Variants in FBXL17 observed in about 807,000 individuals in gnomAD.
The protein encoded by FBXL17 is F-box/LRR-repeat protein 17.
In FBXL17, 22 loss-of-function variants were observed where a neutral mutation model predicts 66.2. That is an observed-to-expected ratio of 0.33 (90% CI 0.24 to 0.47). FBXL17 has a LOEUF of 0.47. FBXL17 is among the 20% of genes least tolerant of loss of function. The probability of loss-of-function intolerance (pLI) is 1.00; values close to 1 mark genes in which losing one functional copy is unlikely to be tolerated. For synonymous variants in FBXL17, 474 were observed against 400.5 expected (o/e 1.18, Z -2.19); for missense variants, 878 against 948.2 (o/e 0.93, Z 0.97).
At chr5:108,226,624 T>C (rs576690424) in intron 4 of FBXL17, among the ~76,000 whole-genome samples, 63 of 152,308 alleles carry the variant, frequency 4.1e-4, no homozygotes, top group Non-Finnish European at 7.8e-4. Flanking sequence ...TAAACATTAT[T>C]CTGGGTATTC....
At chr5:108,280,484 C>T (rs1206288593) in intron 4 of FBXL17, among the ~76,000 whole-genome samples, 3 of 151,860 alleles carry the variant, frequency 2.0e-5, no homozygotes, top group African/African-American at 7.2e-5. Flanking sequence ...AAAAGGACAA[C>T]ATTAACCATC....
intron 1 of FBXL17, among the ~76,000 whole-genome samples, chr5:108,375,013 T>C (rs760889333): frequency 2.0e-5 from 3 of 151,802 alleles, no homozygotes; most frequent in Non-Finnish European, 4.4e-5. Context: ...AAATGAAATA[T>C]AGACTAGAAA....
At chr5:108,157,240 A>T (rs917874956) in intron 6 of FBXL17, among the ~76,000 whole-genome samples, 5 of 151,650 alleles carry the variant, frequency 3.3e-5, no homozygotes, top group Non-Finnish European at 7.4e-5. Flanking sequence ...TAGAGAAAAA[A>T]ATTAAATAAA....
At chr5:108,079,150 C>T (rs957555359) in intron 6 of FBXL17, among the ~76,000 whole-genome samples, 3 of 147,062 alleles carry the variant, frequency 2.0e-5, no homozygotes, top group East Asian at 2.2e-4. Context: ...GGCCTAACCT[C>T]TCTTTCTTTT....
At chr5:108,148,248 T>A (rs1211237124) in intron 6 of FBXL17, among the ~76,000 whole-genome samples, 1 of 145,048 alleles carries the variant, frequency 6.9e-6, no homozygotes, top group Admixed American at 6.7e-5. Flanking sequence ...AGTGTAATCA[T>A]TAAAATATCA....
Position 107,875,323 on chromosome 5 carries a change from T to G in FBXL17, c.1965+5714A>C, listed in dbSNP as rs370448312. On this transcript the variant is annotated intron_variant, in intron 8 of 8. Transcript: ENST00000542267. The stretch of plus-strand genomic sequence containing the variant: ...TCTGAAACTGATTTTTCCAGTTAGT[T>G]CTGTACATTAGTTACAGAGTCCTAT... 3.3e-5 allele frequency among the ~76,000 whole-genome samples: 5 copies of G among 152,180 alleles called. No homozygotes were observed. The East Asian group carries it at 5.8e-4, about 18-fold the overall frequency.
chr5:108,254,891 C>T (rs1158424477), intron 4 of FBXL17, among the ~76,000 whole-genome samples: 2 of 152,270 alleles, frequency 1.3e-5, no homozygotes, highest in East Asian at 3.9e-4. Context: ...TCTACATACA[C>T]ACCACTCAAT....
At chr5:108,340,986 A>G (rs1160826067) in intron 4 of FBXL17, among the ~76,000 whole-genome samples, 1 of 152,200 alleles carries the variant, frequency 6.6e-6, no homozygotes, top group Admixed American at 6.5e-5. Context: ...TCTTAGTACC[A>G]TATTGTATAT....
chr5:107,999,486 A>ACAC (rs1561360183), intron 7 of FBXL17, among the ~76,000 whole-genome samples: 7 of 122,098 alleles, frequency 5.7e-5, no homozygotes, highest in East Asian at 5.0e-4. Flanking sequence ...CACACACACC[A>ACAC]CACACACACA....
rs559039047 is a variant in FBXL17 at position 107,923,237 on chromosome 5, C to A, written c.1823-42058G>T. ...AAATATTTGTTAAAGGAATAAATGA[C>A]CTGTCATTTCAGGAAAGCACAAACT... On this transcript the variant is annotated intron_variant, in intron 7 of 8. Transcript: ENST00000542267. 2.0e-5 allele frequency among the ~76,000 whole-genome samples: 3 copies of A among 152,100 alleles called. No individual in the cohort carries two copies. In the South Asian group the frequency reaches 6.2e-4, roughly 32 times the overall value.
In FBXL17 at chr5:108,252,472, C is replaced by A. The variant is rs150829002; in HGVS notation, c.1507-28244G>T. Among the ~76,000 whole-genome samples the A allele has an allele frequency of 1.4e-4, 22 of 152,026 alleles. No individual in the cohort carries two copies. In the East Asian group the frequency reaches 3.3e-3, roughly 23 times the overall value. On this transcript the variant is annotated intron_variant, in intron 4 of 8. Coordinates refer to ENST00000542267, the MANE Select transcript of FBXL17 (RefSeq NM_001163315.3). ...TGTTTAAAAAAAAAAGAAACTAATT[C>A]TGAAAAACCAGAATTCTCTAAGAGT...
intron 6 of FBXL17, among the ~76,000 whole-genome samples, chr5:108,139,197 A>C (rs1483878110): frequency 6.6e-6 from 1 of 152,206 alleles, no homozygotes; most frequent in South Asian, 2.1e-4. Context: ...AGGGCAAGGC[A>C]TGGAGGTAGT....
intron 6 of FBXL17, among the ~76,000 whole-genome samples, chr5:108,140,325 G>A (rs1423347340): frequency 6.6e-6 from 1 of 152,172 alleles, no homozygotes; most frequent in African/African-American, 2.4e-5. Context: ...GATTACAGGT[G>A]TGAGCCACTG....
chr5:107,874,833 G>T (rs1748567651), intron 8 of FBXL17, among the ~76,000 whole-genome samples: 1 of 152,184 alleles, frequency 6.6e-6, no homozygotes. Flanking sequence ...GTTGTAAAAT[G>T]TGTTTTAAAG....
intron 4 of FBXL17, among the ~76,000 whole-genome samples, chr5:108,288,426 T>G (rs1328641106): frequency 2.6e-5 from 4 of 151,982 alleles, no homozygotes; most frequent in Non-Finnish European, 5.9e-5. Context: ...ATCTTCAATT[T>G]GTAAAACATA....
chr5:108,191,373 T>C (rs1240781985), intron 5 of FBXL17, among the ~76,000 whole-genome samples: 2 of 152,216 alleles, frequency 1.3e-5, no homozygotes. Flanking sequence ...TTAATGCCAC[T>C]AAACTGTACA....
At chr5:107,885,075 T>A (rs1353868357) in intron 7 of FBXL17, among the ~76,000 whole-genome samples, 1 of 152,212 alleles carries the variant, frequency 6.6e-6, no homozygotes, top group Non-Finnish European at 1.5e-5. Context: ...GGGCTGTAAA[T>A]GTAATGTATC....
At chr5:107,930,992 AT>A (rs33930854) in intron 7 of FBXL17, among the ~76,000 whole-genome samples, 135,075 of 152,048 alleles carry the variant, frequency 0.89, 60,441 homozygotes, top group African/African-American at 0.95. Flanking sequence ...AAATAAAGAC[AT>A]TTTTTTCCCT....
At position 107,861,719 on chromosome 5, in the gene FBXL17, G is replaced by A. The variant is rs61749621; in HGVS notation, c.*1C>T. 0.18 allele frequency: 287,820 copies of A among 1,570,832 alleles called. 27,539 individuals are homozygous for A. The highest frequency in any genetic ancestry group is 0.3 in the Middle Eastern group (1,796 of 5,922). On this transcript the variant is annotated 3_prime_UTR_variant, in exon 9 of 9. Coordinates refer to ENST00000542267, the MANE Select transcript of FBXL17 (RefSeq NM_001163315.3). The stretch of plus-strand genomic sequence containing the variant: ...CCAGTGGACTAGGCGAGGCAGGAGC[G>A]CTAGGAGGAGGCGGCAGACATGTTG...
Sources: allele counts gnomAD v4.1 joint callset (sites outside exome capture counted in the v4.1 genomes callset), GRCh38; gene constraint gnomAD v4.1.1; transcripts MANE v1.5; gene names NCBI Gene and HGNC (gene_info 2026-07-23, HGNC 2026-07-21).